The following FAM221A variants were observed in gnomAD, a reference collection of about 807,000 sequenced individuals.
The protein encoded by FAM221A is family with sequence similarity 221 member A.
Under a neutral mutation model 37.6 loss-of-function variants are expected in FAM221A, and 43 were observed. The observed-to-expected ratio is 1.15, with a 90% CI of 0.90 to 1.48. The LOEUF is 1.48. FAM221A is among the 40% of genes most tolerant of loss of function. The pLI is 0.00. For synonymous variants in FAM221A, 135 were observed against 132.9 expected, an observed-to-expected ratio of 1.02 and a Z score of -0.11; for missense variants, 361 against 361.5, an observed-to-expected ratio of 1.00 and a Z score of 0.01.
chr7:23,696,906 T>A (rs951105612), intron 4 of FAM221A, among the ~76,000 whole-genome samples: 2 of 152,104 alleles, frequency 1.3e-5, no homozygotes, highest in Admixed American at 6.6e-5. Flanking sequence ...AATTCCCAGC[T>A]CTCTGGGGGT....
intron 1 of FAM221A, among the ~76,000 whole-genome samples, chr7:23,682,966 T>C (rs1402552067): frequency 6.6e-6 from 1 of 152,202 alleles, no homozygotes; most frequent in Non-Finnish European, 1.5e-5. Flanking sequence ...TGTATCTAGA[T>C]TGTTTATGTA....
At chr7:23,690,691 T>C (rs1396057283) in intron 3 of FAM221A, among the ~76,000 whole-genome samples, 2 of 152,208 alleles carry the variant, frequency 1.3e-5, no homozygotes, top group Non-Finnish European at 2.9e-5. Flanking sequence ...TCAGCATGAA[T>C]GTTGTGTAAC....
Position 23,702,324 on chromosome 7 carries a change from C to T in FAM221A, c.*160C>T, listed in dbSNP as rs1051576. On this transcript the variant is annotated 3_prime_UTR_variant, in exon 7 of 7. Transcript: ENST00000344962. Reference sequence around the variant, plus strand: ...TAATTTATTTAAATAACTAAAAATGCCTATTACTTTTGTCAAAACTCATAA... The same window carrying T: ...TAATTTATTTAAATAACTAAAAATGTCTATTACTTTTGTCAAAACTCATAA... 0.62 allele frequency: 270,312 copies of T among 437,138 alleles called. 85,663 individuals carry two copies. Among genetic ancestry groups the T allele is most frequent in the South Asian group, 0.71 (12,308 of 17,302 alleles). 27.1% of individuals were successfully genotyped at this position (437,138 alleles called of 1,614,324 possible).
intron 4 of FAM221A, 127 bp from the exon 5 acceptor site, chr7:23,698,064 AT>A (rs961884200): frequency 1.6e-3 from 851 of 534,596 alleles, no homozygotes; most frequent in Non-Finnish European, 1.7e-3. Context: ...CCAGTCTAAA[AT>A]TTTTTTTTTA....
intron 3 of FAM221A, among the ~76,000 whole-genome samples, chr7:23,691,183 G>GT (rs775358624): frequency 3.4e-3 from 492 of 145,960 alleles, no homozygotes; most frequent in African/African-American, 4.1e-3. Flanking sequence ...GTGTTTTGCA[G>GT]TTTTTTTTTT....
chr7:23,700,706 G>A lies in FAM221A; in HGVS notation c.746-80G>A, dbSNP rs1384461970. ...AAAAATAAAACATTATCACCGAGCA[G>A]GAGAAAACTTTTCTTTCTTTTATTT... On this transcript the variant is annotated intron_variant, in intron 5 of 6. Coordinates refer to ENST00000344962, the MANE Select transcript of FAM221A (RefSeq NM_199136.5). 4.6e-6 allele frequency: 4 copies of A among 873,956 alleles called. No individual in the cohort carries two copies. The East Asian group carries it at 7.9e-5, about 17-fold the overall frequency. 54.1% of individuals were successfully genotyped at this position (873,956 alleles called of 1,614,324 possible).
chr7:23,696,606 GT>G (rs1785075756), intron 4 of FAM221A, among the ~76,000 whole-genome samples: 2 of 152,152 alleles, frequency 1.3e-5, no homozygotes, highest in Admixed American at 1.3e-4. Flanking sequence ...GGGCAGCTCT[GT>G]TACAATCTTA....
intron 4 of FAM221A, among the ~76,000 whole-genome samples, chr7:23,696,697 T>C (rs1174350680): frequency 1.3e-5 from 2 of 152,190 alleles, no homozygotes; most frequent in African/African-American, 4.8e-5. Context: ...AAAGAAAGCC[T>C]CTTCCTTTTG....
At chr7:23,690,199 A>ATATATAT (rs774313037) in intron 3 of FAM221A, among the ~76,000 whole-genome samples, 1,849 of 48,588 alleles carry the variant, frequency 0.038, 80 homozygotes, top group Non-Finnish European at 0.047. Flanking sequence ...ATATATATAT[A>ATATATAT]TTTTTTTTTT....
At chr7:23,686,357 G>A in intron 2 of FAM221A, 1 of 392,808 alleles carries the variant, frequency 2.5e-6, no homozygotes, top group Non-Finnish European at 5.1e-6. Context: ...TCGACCTCCT[G>A]GGCTCAAGCG....
At position 23,700,838 on chromosome 7, in the gene FAM221A, G is replaced by A. The variant is rs1230368960; in HGVS notation, c.798G>A (p.Met266Ile). 6.2e-7 allele frequency: 1 copy of A among 1,609,116 alleles called. No individual in the cohort carries two copies. The highest frequency in any genetic ancestry group is 1.1e-5 in the South Asian group (1 of 89,788). The change falls in exon 6 of 7, where the codon ATG (methionine) becomes ATA (isoleucine). Residue 266 changes from methionine to isoleucine, a missense_variant. Met to Ile is a conservative substitution (Grantham distance 10). Transcript: ENST00000344962. ...SSLRRPEEDDMAFFERRYQER... is the reference protein window; with the variant it reads ...SSLRRPEEDDIAFFERRYQER... Reference sequence around the variant, plus strand: ...TAAGGAGACCTGAAGAGGATGATATGGCTTTCTTTGAAAGACGATACCAGG... The same window carrying A: ...TAAGGAGACCTGAAGAGGATGATATAGCTTTCTTTGAAAGACGATACCAGG...
intron 4 of FAM221A, among the ~76,000 whole-genome samples, chr7:23,696,858 C>T (rs542601214): frequency 2.3e-4 from 35 of 152,174 alleles, no homozygotes; most frequent in Non-Finnish European, 4.7e-4. Context: ...AAACCTCTTG[C>T]TGGAATTTGG....
Position 23,702,098 on chromosome 7 carries a change from G to A in FAM221A, c.831G>A (p.Met277Ile). 1 of 1,590,078 alleles carries A rather than the reference G, an allele frequency of 6.3e-7. No homozygotes were observed. Among genetic ancestry groups the A allele is most frequent in the Non-Finnish European group, 8.6e-7 (1 of 1,167,820 alleles). ...CAATAAATATGTTAAATTTACAGAT[G>A]AAAATGGAAAAGGCTGCTAAGTGGA... Reference protein sequence around the residue: ...AFFERRYQERMKMEKAAKWKG... With the variant: ...AFFERRYQERIKMEKAAKWKG... Residue 277 changes from methionine to isoleucine, a missense_variant and splice_region_variant, in exon 7 of 7, where the codon ATG becomes ATA. Met to Ile is a conservative substitution (Grantham distance 10). Coordinates refer to ENST00000344962, the MANE Select transcript of FAM221A (RefSeq NM_199136.5).
In FAM221A at chr7:23,694,740, T is replaced by A. The variant is rs370871707; in HGVS notation, c.637+3144T>A. 9.8e-5 allele frequency: 15 copies of A among 152,358 alleles called. No individual in the cohort carries two copies. The East Asian group carries it at 2.9e-3, about 29-fold the overall frequency. The allele number at this position is 152,358 out of a possible 1,614,324, so 9.4% of individuals were successfully genotyped here. On this transcript the variant is annotated intron_variant, in intron 4 of 6. Coordinates refer to ENST00000344962, the MANE Select transcript of FAM221A (RefSeq NM_199136.5). ...TCAACCTGAAGATTTCTGTGGGCTCTCTAGTCTGCCACATTGTTGGCTATT... is the reference window on the plus strand; with the variant it reads ...TCAACCTGAAGATTTCTGTGGGCTCACTAGTCTGCCACATTGTTGGCTATT...
chr7:23,686,227 A>G (rs1427623791), intron 2 of FAM221A: 1 of 406,936 alleles, frequency 2.5e-6, no homozygotes, highest in African/African-American at 2.2e-5. Flanking sequence ...TGTATAACTT[A>G]TACAGCATGG....
At chr7:23,689,948 C>G (rs7793463) in intron 3 of FAM221A, among the ~76,000 whole-genome samples, 25,183 of 151,708 alleles carry the variant, frequency 0.17, 2,260 homozygotes, top group African/African-American at 0.2. Flanking sequence ...ACCTCTACCC[C>G]CTTTGCCCTT....
rs1416514809 is a variant in FAM221A, at chr7:23,691,573, T to C, written c.614T>C (p.Met205Thr). ...TGFSSLAEGY[M>T]RLDDSGIGVP... ...TTCAGCTCGCTGGCGGAAGGCTACA[T>C]GCGGTTAGATGACAGTGGGATTGGT... Residue 205 changes from methionine (M) to threonine (T), a missense_variant, in exon 4 of 7, where the codon ATG becomes ACG. Met to Thr is a moderately conservative substitution (Grantham distance 81). Transcript: ENST00000344962. The C allele has an allele frequency of 6.2e-7, 1 of 1,614,014 alleles. No homozygotes were observed. Among genetic ancestry groups the C allele is most frequent in the Non-Finnish European group, 8.5e-7 (1 of 1,179,998 alleles).
chr7:23,691,387 C>T lies in FAM221A; in HGVS notation c.431-3C>T. The T allele has an allele frequency of 6.2e-7, 1 of 1,613,884 alleles. No individual in the cohort carries two copies. Among genetic ancestry groups the T allele is most frequent in the Non-Finnish European group, 8.5e-7 (1 of 1,179,808 alleles). ...ATTTAACTCCCTTTACATCTTGATTCAGGTTCCAAGTGTTCAGGATTCCAT... is the reference window on the plus strand; with the variant it reads ...ATTTAACTCCCTTTACATCTTGATTTAGGTTCCAAGTGTTCAGGATTCCAT... On this transcript the variant is annotated splice_polypyrimidine_tract_variant and splice_region_variant and intron_variant, in intron 3 of 6. Coordinates refer to ENST00000344962, the MANE Select transcript of FAM221A (RefSeq NM_199136.5).
chr7:23,701,993 C>A, intron 6 of FAM221A, 103 bp from the exon 7 acceptor site: 1 of 611,892 alleles, frequency 1.6e-6, no homozygotes, highest in Non-Finnish European at 2.7e-6. Context: ...AGCTTAATAA[C>A]TGTGGAATGG....
Sources: gnomAD v4.1 joint callset for allele counts (sites outside exome capture counted in the v4.1 genomes callset) on GRCh38, gnomAD v4.1.1 for gene constraint, MANE v1.5 for transcripts, NCBI Gene and HGNC (gene_info 2026-07-23, HGNC 2026-07-21) for gene names.